Variants in PTGIS observed in about 807,000 individuals in gnomAD.
The protein encoded by PTGIS is prostacyclin synthase.
Under a neutral mutation model 50.3 loss-of-function variants are expected in PTGIS, and 45 were observed. That is an observed-to-expected ratio of 0.90 (90% CI 0.70 to 1.15). The LOEUF (loss-of-function observed/expected upper bound fraction) is 1.15, where lower values mean the gene tolerates loss of function less well. PTGIS is among the 50% of genes most tolerant of loss of function. The pLI, the probability that PTGIS is intolerant of heterozygous loss-of-function variation, is 0.00. For synonymous variants in PTGIS, 260 were observed against 267.7 expected (o/e 0.97, Z 0.28); for missense variants, 668 against 661.3 (o/e 1.01, Z -0.11).
rs549723492 is a variant in PTGIS at position 49,515,959 on chromosome 20, C to T, written c.856-1564G>A. Among the ~76,000 whole-genome samples, 7 of 152,092 alleles carry T rather than the reference C, an allele frequency of 4.6e-5. No individual in the cohort carries two copies. In the East Asian group the frequency reaches 9.7e-4, roughly 21 times the overall value. ...GCAGTGGCACAATCATAGCTCACTG[C>T]AGCCTCGACCTCCTAGGCTCAAGTG... On this transcript the variant is annotated intron_variant, in intron 6 of 9. Transcript: ENST00000244043.
intron 1 of PTGIS, among the ~76,000 whole-genome samples, chr20:49,567,731 A>C (rs1206748690): frequency 2.0e-5 from 3 of 151,978 alleles, no homozygotes; most frequent in Non-Finnish European, 4.4e-5. Context: ...TCCTCACCTG[A>C]AACCCCCTCC....
chr20:49,544,591 G>A lies in PTGIS; in HGVS notation c.378-143C>T, dbSNP rs981966222. The A allele has an allele frequency of 1.9e-5, 16 of 835,426 alleles. No individual in the cohort carries two copies. The African/African-American group carries it at 2.2e-4, about 11-fold the overall frequency. 51.8% of individuals were successfully genotyped at this position (835,426 alleles called of 1,614,324 possible). On this transcript the variant is annotated intron_variant, in intron 3 of 9. Transcript: ENST00000244043. ...TCCTGCGGAAGAGTAGCTTAAATAAGAGGATATTATTATGACTGTCATCGT... is the reference window on the plus strand; with the variant it reads ...TCCTGCGGAAGAGTAGCTTAAATAAAAGGATATTATTATGACTGTCATCGT...
intron 6 of PTGIS, among the ~76,000 whole-genome samples, chr20:49,520,613 C>G (rs1434827793): frequency 6.6e-6 from 1 of 152,038 alleles, no homozygotes; most frequent in Non-Finnish European, 1.5e-5. Flanking sequence ...GGATTACAGG[C>G]GTGAGCCACT....
At chr20:49,522,695 A>G in intron 6 of PTGIS, among the ~76,000 whole-genome samples, 1 of 152,198 alleles carries the variant, frequency 6.6e-6, no homozygotes, top group East Asian at 1.9e-4. Context: ...TGTAAATGTA[A>G]TGAGAAACAA....
chr20:49,523,658 G>A (rs1405128212), intron 6 of PTGIS, among the ~76,000 whole-genome samples: 1 of 151,828 alleles, frequency 6.6e-6, no homozygotes, highest in East Asian at 1.9e-4. Flanking sequence ...AGGCAACTGT[G>A]GTCCCAGCTA....
intron 6 of PTGIS, among the ~76,000 whole-genome samples, chr20:49,517,477 T>C (rs559188588): frequency 1.3e-4 from 19 of 148,676 alleles, no homozygotes; most frequent in Admixed American, 4.7e-4. Context: ...TGTGTGTGTG[T>C]GCACACACAA....
At chr20:49,508,198 G>T in intron 9 of PTGIS, 134 bp from the exon 10 acceptor site, 1 of 1,097,594 alleles carries the variant, frequency 9.1e-7, no homozygotes, top group Non-Finnish European at 1.3e-6. Context: ...GAGTGAGGAA[G>T]TAGAAGAAAC....
At position 49,534,116 on chromosome 20, in the gene PTGIS, A is replaced by C. The variant is rs528106420; in HGVS notation, c.673+5454T>G. On this transcript the variant is annotated intron_variant, in intron 5 of 9. Coordinates refer to ENST00000244043, the MANE Select transcript of PTGIS (RefSeq NM_000961.4). ...TAGATGCATAGATGGCCTTTAGATG[A>C]ATGCATAATTTATTTAATCAGCCCT... Among the ~76,000 whole-genome samples the C allele has an allele frequency of 1.2e-4, 19 of 152,300 alleles. No homozygotes were observed. The South Asian group carries it at 3.9e-3, about 32-fold the overall frequency.
chr20:49,527,289 CAAAAA>C (rs36033143), intron 5 of PTGIS, among the ~76,000 whole-genome samples: 2 of 111,166 alleles, frequency 1.8e-5, no homozygotes, highest in Non-Finnish European at 4.0e-5. Context: ...TACTAAAATA[CAAAAA>C]AAAAAAAAAA....
At chr20:49,555,130 G>T (rs1304791328) in intron 1 of PTGIS, among the ~76,000 whole-genome samples, 1 of 152,012 alleles carries the variant, frequency 6.6e-6, no homozygotes, top group African/African-American at 2.4e-5. Context: ...AAAATTGGCT[G>T]GGTGTGGTGG....
intron 5 of PTGIS, among the ~76,000 whole-genome samples, chr20:49,531,423 C>G (rs752181349): frequency 1.3e-5 from 2 of 152,056 alleles, no homozygotes; most frequent in Non-Finnish European, 2.9e-5. Flanking sequence ...AGCAAATGTT[C>G]GAAATGGTTA....
At chr20:49,542,809 C>T (rs979378783) in intron 4 of PTGIS, among the ~76,000 whole-genome samples, 3 of 152,148 alleles carry the variant, frequency 2.0e-5, no homozygotes, top group African/African-American at 7.2e-5. Flanking sequence ...GACTCTGGGA[C>T]CAGCCCTGTC....
chr20:49,562,508 C>T (rs933945216), intron 1 of PTGIS, among the ~76,000 whole-genome samples: 1 of 152,244 alleles, frequency 6.6e-6, no homozygotes, highest in African/African-American at 2.4e-5. Flanking sequence ...ACTCAGCCTG[C>T]AGCCAGCGGG....
intron 1 of PTGIS, among the ~76,000 whole-genome samples, chr20:49,555,547 G>C (rs904056480): frequency 9.2e-5 from 14 of 152,174 alleles, no homozygotes; most frequent in African/African-American, 3.1e-4. Context: ...TGTCAAATAT[G>C]AAATGGTGTT....
At position 49,511,324 on chromosome 20, in the gene PTGIS, TA is replaced by T. The variant is rs576457440; in HGVS notation, c.1207-146del. The stretch of plus-strand genomic sequence containing the variant: ...ACAGGTCAATTGATAGGGGATTGGT[TA>T]AAAAATTATGGCAAAAGGTTTGTGT... On this transcript the variant is annotated intron_variant, in intron 8 of 9. Coordinates refer to ENST00000244043, the MANE Select transcript of PTGIS (RefSeq NM_000961.4). The T allele has an allele frequency of 9.1e-5, 85 of 938,822 alleles. 1 individual carries two copies. The South Asian group carries it at 1.2e-3, about 13-fold the overall frequency. 58.2% of individuals were successfully genotyped at this position (938,822 alleles called of 1,614,324 possible).
chr20:49,518,618 T>C (rs1009588693), intron 6 of PTGIS, among the ~76,000 whole-genome samples: 5 of 151,290 alleles, frequency 3.3e-5, no homozygotes, highest in Admixed American at 3.3e-4. Flanking sequence ...GCAACTCTTT[T>C]ATAATCTAAA....
rs1982193115 is a variant in PTGIS at position 49,540,359 on chromosome 20, G to A, written c.522-638C>T. On this transcript the variant is annotated intron_variant, in intron 4 of 9. Transcript: ENST00000244043. This position sits in a 1 kb window ranked among gnomAD's most constrained non-coding sequence, Gnocchi z 4.8. ...TGATCGGGGGAAGCAGAAGAGGAAC[G>A]TGTTCAGGCAACAGGCACAGCCTGT... 6.6e-6 allele frequency among the ~76,000 whole-genome samples: 1 copy of A among 152,154 alleles called. No individual in the cohort carries two copies. Among genetic ancestry groups the A allele is most frequent in the Non-Finnish European group, 1.5e-5 (1 of 68,028 alleles).
chr20:49,553,546 A>G (rs903345794), intron 1 of PTGIS, among the ~76,000 whole-genome samples: 2 of 152,026 alleles, frequency 1.3e-5, no homozygotes, highest in African/African-American at 4.8e-5. Flanking sequence ...TTCAGAATCT[A>G]AAGTGATATT....
Position 49,507,443 on chromosome 20 carries a change from T to C in PTGIS, c.*477A>G, listed in dbSNP as rs530741005. On this transcript the variant is annotated 3_prime_UTR_variant, in exon 10 of 10. Coordinates refer to ENST00000244043, the MANE Select transcript of PTGIS (RefSeq NM_000961.4). The stretch of plus-strand genomic sequence containing the variant: ...TTGGTTTTAGCTAGTTTAAGGATTA[T>C]TGGGGGACTGACTGCTGAATGACAT... The C allele has an allele frequency of 3.6e-4, 91 of 254,788 alleles. No homozygotes were observed. The highest frequency in any genetic ancestry group is 1.9e-3 in the African/African-American group (84 of 44,940). The allele number at this position is 254,788 out of a possible 1,614,324, so 15.8% of individuals were successfully genotyped here.
Sources: allele counts gnomAD v4.1 joint callset (sites outside exome capture counted in the v4.1 genomes callset), GRCh38; gene constraint gnomAD v4.1.1; non-coding constraint Gnocchi (gnomAD v3.1); transcripts MANE v1.5; gene names NCBI Gene and HGNC (gene_info 2026-07-23, HGNC 2026-07-21).